GRIN2D: variants seen among roughly 807,000 people sequenced by gnomAD.
The protein encoded by GRIN2D is glutamate receptor ionotropic, NMDA 2D.
In GRIN2D, 37 loss-of-function variants were observed where a neutral mutation model predicts 103.2. The observed-to-expected ratio is 0.36, with a 90% CI of 0.28 to 0.47. The LOEUF (loss-of-function observed/expected upper bound fraction) is 0.47, where lower values mean the gene tolerates loss of function less well. GRIN2D is among the 20% of genes least tolerant of loss of function. The probability of loss-of-function intolerance (pLI) is 1.00; values close to 1 mark genes in which losing one functional copy is unlikely to be tolerated. For missense variants in GRIN2D, 1,557 were observed against 1,910.6 expected (o/e 0.81, Z 3.45); for synonymous variants, 845 against 885.6 (o/e 0.95, Z 0.81).
chr19:48,440,498 C>G (rs1600995666), intron 11 of GRIN2D, among the ~76,000 whole-genome samples: 1 of 152,094 alleles, frequency 6.6e-6, no homozygotes, highest in African/African-American at 2.4e-5. Context: ...GAGGCTGAGG[C>G]AGGAGGTTCG....
In GRIN2D at chr19:48,414,063, C is replaced by T. The variant is rs780594450; in HGVS notation, c.1158C>T (p.Ser386=). Residue 386 remains serine (S), a synonymous_variant, in exon 5 of 14, where the codon TCC becomes TCT. Transcript: ENST00000263269. The surrounding 1 kb of genome is among the most constrained non-coding windows in gnomAD (Gnocchi z 4.6). ...AGGACGGCTTCCTAGTGAACCCCTC[C>T]CTGGTGGTCATCTCCCTCACCAGAG... ...FNEDGFLVNP[S]LVVISLTRDR... is the part of the protein sequence containing the mutation. The T allele has an allele frequency of 1.2e-6, 2 of 1,612,204 alleles. No individual in the cohort carries two copies. The highest frequency in any genetic ancestry group is 1.1e-5 in the South Asian group (1 of 91,044).
intron 11 of GRIN2D, among the ~76,000 whole-genome samples, chr19:48,437,082 C>G (rs1971241485): frequency 6.6e-6 from 1 of 152,088 alleles, no homozygotes; most frequent in African/African-American, 2.4e-5. Context: ...CAACCTACAC[C>G]CAAACAAAGG....
chr19:48,426,379 C>T (rs1449267515), intron 11 of GRIN2D, among the ~76,000 whole-genome samples: 1 of 151,380 alleles, frequency 6.6e-6, no homozygotes, highest in Non-Finnish European at 1.5e-5. Context: ...GCGCCTGCCA[C>T]CACGCCCAGC....
At position 48,434,962 on chromosome 19, in the gene GRIN2D, T is replaced by A. The variant is rs188055645; in HGVS notation, c.2253-6807T>A. 1.8e-4 allele frequency among the ~76,000 whole-genome samples: 28 copies of A among 152,328 alleles called. No homozygotes were observed. The East Asian group carries it at 5.4e-3, about 29-fold the overall frequency. On this transcript the variant is annotated intron_variant, in intron 11 of 13. Coordinates refer to ENST00000263269, the MANE Select transcript of GRIN2D (RefSeq NM_000836.4). Reference sequence around the variant, plus strand: ...TATTTCACATATTTTGTAATTTATTTCGTATATTGATCTTGTATCATGAAC... The same window carrying A: ...TATTTCACATATTTTGTAATTTATTACGTATATTGATCTTGTATCATGAAC...
chr19:48,417,246 A>G (rs981530292), intron 8 of GRIN2D, among the ~76,000 whole-genome samples: 4 of 152,200 alleles, frequency 2.6e-5, no homozygotes, highest in Non-Finnish European at 4.4e-5. Flanking sequence ...TCTCTAAAAA[A>G]GAACAAAGAA....
At chr19:48,411,570 A>T in intron 4 of GRIN2D, among the ~76,000 whole-genome samples, 1 of 151,724 alleles carries the variant, frequency 6.6e-6, no homozygotes. Flanking sequence ...AATCGCTTGG[A>T]CCTGGGAGGC....
rs1379834897 is a variant in GRIN2D, at chr19:48,444,153, C to CG, written c.*221dup. 2.5e-5 allele frequency: 10 copies of CG among 397,208 alleles called. No individual in the cohort carries two copies. The highest frequency in any genetic ancestry group is 1.3e-3 in the Middle Eastern group (2 of 1,564). 24.6% of individuals were successfully genotyped at this position (397,208 alleles called of 1,614,324 possible). On this transcript the variant is annotated 3_prime_UTR_variant, in exon 14 of 14. Transcript: ENST00000263269. This position sits in a 1 kb window ranked among gnomAD's most constrained non-coding sequence, Gnocchi z 5.5. Reference sequence around the variant, plus strand: ...ATCACCCAGCCTGAGAACGAGGGGGCGGGGGCCTTGGAGCCCACCGGACTT... The same window carrying CG: ...ATCACCCAGCCTGAGAACGAGGGGGCGGGGGGCCTTGGAGCCCACCGGACTT...
In GRIN2D at chr19:48,405,954, A is replaced by C. The variant is rs1319749686; in HGVS notation, c.1085+601A>C. The stretch of plus-strand genomic sequence containing the variant: ...CTCATGAGAAGGGGAAAAGAGAGGA[A>C]GTGGACAGCAAGCACTTTCCTTTTG... On this transcript the variant is annotated intron_variant, in intron 4 of 13. Coordinates refer to ENST00000263269, the MANE Select transcript of GRIN2D (RefSeq NM_000836.4). The surrounding 1 kb of genome is among the most constrained non-coding windows in gnomAD (Gnocchi z 5.1). 6.6e-6 allele frequency among the ~76,000 whole-genome samples: 1 copy of C among 152,178 alleles called. No individual in the cohort carries two copies. Among genetic ancestry groups the C allele is most frequent in the Non-Finnish European group, 1.5e-5 (1 of 68,024 alleles).
At chr19:48,441,382 A>AG (rs370863858) in intron 11 of GRIN2D, among the ~76,000 whole-genome samples, 1,699 of 105,682 alleles carry the variant, frequency 0.016, 26 homozygotes, top group South Asian at 0.058. Context: ...AAAAAAAAAA[A>AG]AAAGAAAGAA....
chr19:48,410,058 T>C lies in GRIN2D; in HGVS notation c.1086-3933T>C, dbSNP rs139264257. On this transcript the variant is annotated intron_variant, in intron 4 of 13. Transcript: ENST00000263269. The stretch of plus-strand genomic sequence containing the variant: ...CCTCAGCCTCCCAAAGTGCTGGGAT[T>C]ACAGGCGTGAACCACTGCGCCCAGC... Among the ~76,000 whole-genome samples, 269 of 151,530 alleles carry C rather than the reference T, an allele frequency of 1.8e-3. 11 individuals carry two copies. The East Asian group carries it at 0.046, about 26-fold the overall frequency.
chr19:48,434,221 A>G (rs1971198167), intron 11 of GRIN2D, among the ~76,000 whole-genome samples: 1 of 151,316 alleles, frequency 6.6e-6, no homozygotes. Flanking sequence ...AAGTGCTGGC[A>G]TTACAGGCAC....
intron 2 of GRIN2D, among the ~76,000 whole-genome samples, chr19:48,395,226 G>T (rs1970623699): frequency 6.6e-6 from 1 of 151,006 alleles, no homozygotes; most frequent in Non-Finnish European, 1.5e-5. Flanking sequence ...CCATATCCCT[G>T]TGCCTCCATC....
chr19:48,443,692 G>A lies in GRIN2D; in HGVS notation c.3766G>A (p.Ala1256Thr), dbSNP rs1320266946. The change falls in exon 14 of 14, where the codon GCC (alanine) becomes ACC (threonine). Residue 1256 changes from alanine (A) to threonine (T), a missense_variant. Coordinates refer to ENST00000263269, the MANE Select transcript of GRIN2D (RefSeq NM_000836.4). The surrounding 1 kb of genome is among the most constrained non-coding windows in gnomAD (Gnocchi z 8.9). ...AAPHHHRHRRAAGGWDLPPPA... is the reference protein window; with the variant it reads ...AAPHHHRHRRTAGGWDLPPPA... ...GCCCCACCACCACAGGCACCGGCGC[G>A]CCGCTGGGGGCTGGGACCTCCCGCC... is the stretch of plus-strand genomic sequence containing the variant. The A allele has an allele frequency of 9.7e-6, 12 of 1,234,122 alleles. No homozygotes were observed. The East Asian group carries it at 3.5e-4, about 36-fold the overall frequency. 76.4% of individuals were successfully genotyped at this position (1,234,122 alleles called of 1,614,324 possible).
At chr19:48,403,393 A>C (rs547654830) in intron 3 of GRIN2D, among the ~76,000 whole-genome samples, 1 of 152,282 alleles carries the variant, frequency 6.6e-6, no homozygotes, top group Non-Finnish European at 1.5e-5. Flanking sequence ...TGAGTACTTG[A>C]CAAGTGGTTA....
Position 48,419,675 on chromosome 19 carries a change from G to A in GRIN2D, c.1952G>A (p.Arg651Gln). 1.2e-6 allele frequency: 2 copies of A among 1,613,600 alleles called. No homozygotes were observed. The highest frequency in any genetic ancestry group is 2.2e-5 in the East Asian group (1 of 44,838). The change falls in exon 10 of 14, where the codon CGG (arginine) becomes CAG (glutamine). Residue 651 changes from arginine (R) to glutamine (Q), a missense_variant. Physicochemically the swap from Arg to Gln is conservative, Grantham distance 43. Coordinates refer to ENST00000263269, the MANE Select transcript of GRIN2D (RefSeq NM_000836.4). ...AATTCGGTGCCCGTGGAGAACCCCC[G>A]GGGAACCACCAGCAAAATCATGGTG... Reference protein sequence around the residue: ...FNNSVPVENPRGTTSKIMVLV... With the variant: ...FNNSVPVENPQGTTSKIMVLV...
At chr19:48,412,291 T>C (rs867870536) in intron 4 of GRIN2D, among the ~76,000 whole-genome samples, 2 of 150,378 alleles carry the variant, frequency 1.3e-5, no homozygotes, top group Non-Finnish European at 2.9e-5. Flanking sequence ...ATCGCACCAC[T>C]ACACTCCAGC....
Position 48,441,908 on chromosome 19 carries a change from C to G in GRIN2D, c.2392C>G (p.Arg798Gly), listed in dbSNP as rs756272697. 6.2e-6 allele frequency: 10 copies of G among 1,612,250 alleles called. No homozygotes were observed. Among genetic ancestry groups the G allele is most frequent in the Non-Finnish European group, 8.5e-6 (10 of 1,179,776 alleles). Residue 798 changes from arginine to glycine, a missense_variant, in exon 12 of 14, where the codon CGC (arginine) becomes GGC (glycine). Physicochemically the swap from Arg to Gly is moderately radical, Grantham distance 125. Transcript: ENST00000263269. ...TGGCATCGCCCTGCACAAGGGCTCC[C>G]GCTGGAAGCGGCCCATCGACCTGGC... ...GYGIALHKGSRWKRPIDLALL... is the reference protein window; with the variant it reads ...GYGIALHKGSGWKRPIDLALL...
At chr19:48,396,758 G>T (rs1397870641) in intron 2 of GRIN2D, among the ~76,000 whole-genome samples, 1 of 152,012 alleles carries the variant, frequency 6.6e-6, no homozygotes, top group Non-Finnish European at 1.5e-5. Context: ...GGCAGGGGAG[G>T]GGTGGTGGAC....
chr19:48,442,505 A>G lies in GRIN2D; in HGVS notation c.2674-95A>G. The G allele has an allele frequency of 6.7e-7, 1 of 1,494,204 alleles. No homozygotes were observed. Among genetic ancestry groups the G allele is most frequent in the Non-Finnish European group, 8.9e-7 (1 of 1,123,304 alleles). 92.6% of individuals were successfully genotyped at this position (1,494,204 alleles called of 1,614,324 possible). A position where few individuals can be genotyped will look rare whatever the true frequency, so the allele number is the denominator to read the frequency against. On this transcript the variant is annotated intron_variant, in intron 13 of 13. Coordinates refer to ENST00000263269, the MANE Select transcript of GRIN2D (RefSeq NM_000836.4). This position sits in a 1 kb window ranked among gnomAD's most constrained non-coding sequence, Gnocchi z 7.2. ...TAGTGGGGAAGAGAGCGGGAAACAC[A>G]GGCGGGTAAATGGAGAGGAGAGAGG...
Sources: gnomAD v4.1 joint callset for allele counts (sites outside exome capture counted in the v4.1 genomes callset) on GRCh38, gnomAD v4.1.1 for gene constraint, Gnocchi (gnomAD v3.1) non-coding constraint, MANE v1.5 for transcripts, NCBI Gene and HGNC (gene_info 2026-07-23, HGNC 2026-07-21) for gene names.